The following GOLGA8K variants were observed in gnomAD, a reference collection of about 807,000 sequenced individuals.
GOLGA8K encodes golgin A8 family member K.
In GOLGA8K, 12 loss-of-function variants were observed where a neutral mutation model predicts 75.2. That is an observed-to-expected ratio of 0.16 (90% CI 0.10 to 0.26). The LOEUF (loss-of-function observed/expected upper bound fraction) is 0.26. Ranked by LOEUF, GOLGA8K falls within the 10% of genes least tolerant of loss-of-function variation. The probability of loss-of-function intolerance (pLI) is 1.00; values close to 1 mark genes in which losing one functional copy is unlikely to be tolerated. For missense variants in GOLGA8K, 109 were observed against 640.8 expected (o/e 0.17, Z 8.96); for synonymous variants, 48 against 236.6 (o/e 0.20, Z 7.32).
intron 8 of GOLGA8K, among the ~76,000 whole-genome samples, chr15:32,398,122 G>GA (rs1299290819): frequency 6.6e-6 from 1 of 151,104 alleles, no homozygotes; most frequent in Non-Finnish European, 1.5e-5. Context: ...AATTTTTTAT[G>GA]AACCCTTGCA....
rs1595663851 is a variant in GOLGA8K, at chr15:32,389,948, G to A, written c.*2834C>T. Among the ~76,000 whole-genome samples the A allele has an allele frequency of 9.7e-6, 1 of 103,292 alleles. No individual in the cohort carries two copies. Among genetic ancestry groups the A allele is most frequent in the South Asian group, 3.4e-4 (1 of 2,954 alleles). The allele number at this position is 103,292 out of a possible 152,430, so 67.8% of individuals were successfully genotyped here. ...GAGAAACTATATTATGGATAGGGCT[G>A]ATTTACATTTTCAAATTTTCTAAAA... On this transcript the variant is annotated 3_prime_UTR_variant, in exon 19 of 19. Coordinates refer to ENST00000512626, the MANE Select transcript of GOLGA8K (RefSeq NM_001282493.2).
rs1160705519 is a variant in GOLGA8K at position 32,395,000 on chromosome 15, G to A, written c.1201-260C>T. On this transcript the variant is annotated intron_variant, in intron 13 of 18. Transcript: ENST00000512626. ...ACTGCTGCAGGTGACCCAGGTAATG[G>A]TCTGGCTGCTGCTGCAGACTCTGAG... Among the ~76,000 whole-genome samples, 12 of 149,790 alleles carry A rather than the reference G, an allele frequency of 8.0e-5. 1 individual carries two copies. Among genetic ancestry groups the A allele is most frequent in the African/African-American group, 1.5e-4 (6 of 41,096 alleles).
intron 8 of GOLGA8K, among the ~76,000 whole-genome samples, chr15:32,397,751 A>T (rs1371672547): frequency 6.6e-6 from 1 of 152,160 alleles, no homozygotes; most frequent in Non-Finnish European, 1.5e-5. Context: ...TATTATTGTC[A>T]TTATTACCAC....
Position 32,395,618 on chromosome 15 carries a change from C to T in GOLGA8K, c.1200+345G>A, listed in dbSNP as rs1173739310. On this transcript the variant is annotated intron_variant, in intron 13 of 18. Transcript: ENST00000512626. ...ATTGGCCAGGCTGATCCCAAACTCC[C>T]GACCTCAAGTGATTCTCCTGCCTCA... Among the ~76,000 whole-genome samples the T allele has an allele frequency of 2.1e-5, 3 of 146,012 alleles. No homozygotes were observed. In the East Asian group the frequency reaches 6.3e-4, roughly 31 times the overall value.
In GOLGA8K at chr15:32,394,653, A is replaced by T. The variant is rs199882591; in HGVS notation, c.1276+12T>A. On this transcript the variant is annotated intron_variant, in intron 14 of 18. Transcript: ENST00000512626. ...GGGGCTCTCTCCTCTTCCTCTGAGC[A>T]GTCTCCCGTACCTTCCCCAGGGAGA... 4.5e-5 allele frequency: 63 copies of T among 1,403,020 alleles called. 5 individuals carry two copies. Among genetic ancestry groups the T allele is most frequent in the Non-Finnish European group, 5.7e-5 (59 of 1,035,544 alleles). 86.9% of individuals were successfully genotyped at this position (1,403,020 alleles called of 1,614,324 possible).
chr15:32,395,654 G>C (rs2054602183), intron 13 of GOLGA8K, among the ~76,000 whole-genome samples: 2 of 145,716 alleles, frequency 1.4e-5, no homozygotes, highest in African/African-American at 2.5e-5. Context: ...GCCTCCCAAA[G>C]TGCTGGGATT....
At position 32,395,855 on chromosome 15, in the gene GOLGA8K, C is replaced by T. The variant is rs2054605853; in HGVS notation, c.1200+108G>A. The stretch of plus-strand genomic sequence containing the variant: ...CTGCCCTGGGGGGTGCTGTGGTCAC[C>T]AGCCCCCAGGCTGGAAGCTGCCTCT... On this transcript the variant is annotated intron_variant, in intron 13 of 18. Coordinates refer to ENST00000512626, the MANE Select transcript of GOLGA8K (RefSeq NM_001282493.2). The T allele has an allele frequency of 4.6e-6, 7 of 1,528,844 alleles. No homozygotes were observed. In the East Asian group the frequency reaches 1.2e-4, roughly 26 times the overall value. The allele number at this position is 1,528,844 out of a possible 1,614,324, so 94.7% of individuals were successfully genotyped here.
chr15:32,394,178 A>G lies in GOLGA8K; in HGVS notation c.1332T>C (p.Ser444=), dbSNP rs199703423. 7 of 1,353,972 alleles carry G rather than the reference A, an allele frequency of 5.2e-6. No homozygotes were observed. The highest frequency in any genetic ancestry group is 5.9e-6 in the Non-Finnish European group (6 of 1,021,422). The allele number at this position is 1,353,972 out of a possible 1,614,324, so 83.9% of individuals were successfully genotyped here. The change falls in exon 15 of 19, where the codon AGT becomes AGC. Residue 444 remains serine, a synonymous_variant. Transcript: ENST00000512626. ...CCCTGCTCTCCAGGTCCTCTGGGAC[A>G]CTCGGCATGGGCTGAGGTGCCTCCT... The part of the protein sequence containing the change: ...EGEEAPQPMP[S]VPEDLESREA...
At chr15:32,395,032 G>A (rs1329318249) in intron 13 of GOLGA8K, among the ~76,000 whole-genome samples, 1 of 149,250 alleles carries the variant, frequency 6.7e-6, no homozygotes, top group African/African-American at 2.4e-5. Context: ...TGAGCCTCTT[G>A]GCTCTTCAGC....
intron 14 of GOLGA8K, 31 bp from the exon 15 acceptor site, chr15:32,394,264 C>T: frequency 6.8e-7 from 1 of 1,461,086 alleles, no homozygotes. Flanking sequence ...GGTCTTCAGA[C>T]AACCCAACAA....
intron 13 of GOLGA8K, 125 bp downstream of exon 13, chr15:32,395,838 G>C (rs202245038): frequency 0.01 from 15,050 of 1,498,016 alleles, 261 homozygotes; most frequent in Middle Eastern, 0.024. Flanking sequence ...GACTGCCCTG[G>C]GGGGTGCTGT....
chr15:32,397,639 G>T, intron 8 of GOLGA8K, 136 bp from the exon 9 acceptor site: 1 of 1,254,666 alleles, frequency 8.0e-7, no homozygotes, highest in South Asian at 1.3e-5. Flanking sequence ...CCCGTGGTCT[G>T]GTTTTTAAAA....
chr15:32,394,775 T>C (rs1180863640), intron 13 of GOLGA8K, 35 bp from the exon 14 acceptor site: 2 of 1,496,536 alleles, frequency 1.3e-6, no homozygotes, highest in Non-Finnish European at 1.8e-6. Flanking sequence ...AGGGGTGGAG[T>C]TTGCCAGGTC....
chr15:32,396,079 C>G, intron 12 of GOLGA8K, 48 bp from the exon 13 acceptor site: 1 of 662,938 alleles, frequency 1.5e-6, no homozygotes, highest in Non-Finnish European at 2.6e-6. Context: ...GCTGGAGACC[C>G]CAGAACTTGG....
Position 32,397,320 on chromosome 15 carries a change from T to C in GOLGA8K, c.679-10A>G, listed in dbSNP as rs370138192. 6.1e-4 allele frequency: 959 copies of C among 1,573,264 alleles called. 65 individuals are homozygous for C. In the South Asian group the frequency reaches 0.01, roughly 16 times the overall value. ...GAAAAGACTCCTTCAACTGCAAGAA[T>C]GGGCACAGAACTTAGGAAGGGCTGT... On this transcript the variant is annotated splice_polypyrimidine_tract_variant and intron_variant, in intron 9 of 18. Transcript: ENST00000512626.
chr15:32,397,316 A>G lies in GOLGA8K; in HGVS notation c.679-6T>C. On this transcript the variant is annotated splice_polypyrimidine_tract_variant and splice_region_variant and intron_variant, in intron 9 of 18. Coordinates refer to ENST00000512626, the MANE Select transcript of GOLGA8K (RefSeq NM_001282493.2). ...TGTTGAAAAGACTCCTTCAACTGCA[A>G]GAATGGGCACAGAACTTAGGAAGGG... 1 of 1,575,170 alleles carries G rather than the reference A, an allele frequency of 6.3e-7. No homozygotes were observed. The highest frequency in any genetic ancestry group is 8.7e-7 in the Non-Finnish European group (1 of 1,152,716).
At chr15:32,398,302 CCA>C (rs1186146144) in intron 8 of GOLGA8K, among the ~76,000 whole-genome samples, 1 of 147,640 alleles carries the variant, frequency 6.8e-6, no homozygotes, top group Non-Finnish European at 1.5e-5. Flanking sequence ...TTGCCCAAGA[CCA>C]CAGACAGGTA....
chr15:32,394,426 G>C, intron 14 of GOLGA8K, 193 bp from the exon 15 acceptor site: 1 of 646,062 alleles, frequency 1.5e-6, no homozygotes, highest in Non-Finnish European at 2.6e-6. Context: ...ACTACTGGTC[G>C]ATGTGGGAGT....
In GOLGA8K at chr15:32,392,850, G is replaced by C; in HGVS notation, c.1825C>G (p.Pro609Ala). The change falls in exon 19 of 19, where the codon CCA (proline) becomes GCA (alanine). Residue 609 changes from proline to alanine, a missense_variant. Transcript: ENST00000512626. Reference protein sequence around the residue: ...QPIVQDHKEHPGLGSNCCVPL... With the variant: ...QPIVQDHKEHAGLGSNCCVPL... ...ACACAGCAGTTGCTGCCCAAGCCTG[G>C]GTGCTCCTTGTGGTCCTGCACGATC... 2 of 1,333,074 alleles carry C rather than the reference G, an allele frequency of 1.5e-6. 1 individual carries two copies. Among genetic ancestry groups the C allele is most frequent in the Non-Finnish European group, 2.0e-6 (2 of 980,770 alleles). The allele number at this position is 1,333,074 out of a possible 1,614,324, so 82.6% of individuals were successfully genotyped here.
Sources: gnomAD v4.1 joint callset for allele counts (sites outside exome capture counted in the v4.1 genomes callset) on GRCh38, gnomAD v4.1.1 for gene constraint, MANE v1.5 for transcripts, NCBI Gene and HGNC (gene_info 2026-07-23, HGNC 2026-07-21) for gene names.